The following MYO1B variants were observed in gnomAD, a reference collection of about 807,000 sequenced individuals.
MYO1B encodes unconventional myosin-Ib.
A neutral mutation model predicts 159.7 loss-of-function variants in MYO1B; 72 were observed. That is an observed-to-expected ratio of 0.45 (90% CI 0.37 to 0.55). The LOEUF (loss-of-function observed/expected upper bound fraction) is 0.55, where lower values mean the gene tolerates loss of function less well. Among genes scored for constraint, MYO1B ranks in the 20% least tolerant of loss-of-function variants. The pLI, the probability that MYO1B is intolerant of heterozygous loss-of-function variation, is 0.00. For missense variants in MYO1B, 1,062 were observed against 1,364.8 expected (o/e 0.78, Z 3.50); for synonymous variants, 468 against 473.8 (o/e 0.99, Z 0.16).
intron 7 of MYO1B, among the ~76,000 whole-genome samples, chr2:191,351,717 G>A (rs543411487): frequency 3.1e-4 from 47 of 152,176 alleles, no homozygotes; most frequent in African/African-American, 1.1e-3. Flanking sequence ...GAAACCCCCC[G>A]TCTCTACCAA....
At chr2:191,397,509 A>G (rs2126121062) in intron 21 of MYO1B, among the ~76,000 whole-genome samples, 1 of 152,154 alleles carries the variant, frequency 6.6e-6, no homozygotes, top group Admixed American at 6.5e-5. Flanking sequence ...AGGGTTAGGG[A>G]TAAGGTCACA....
intron 14 of MYO1B, among the ~76,000 whole-genome samples, chr2:191,381,965 G>T (rs377398451): frequency 1.2e-4 from 18 of 152,210 alleles, no homozygotes; most frequent in Non-Finnish European, 2.5e-4. Flanking sequence ...AGTAAAAATA[G>T]GTAACAGTTA....
chr2:191,349,074 G>A (rs915356477), intron 6 of MYO1B, among the ~76,000 whole-genome samples: 2 of 152,170 alleles, frequency 1.3e-5, no homozygotes, highest in South Asian at 4.1e-4. Flanking sequence ...AGGACCCACT[G>A]TAGGACATAT....
Position 191,392,165 on chromosome 2 carries a change from T to C in MYO1B, c.2040T>C (p.Phe680=). The change falls in exon 19 of 31, where the codon TTT becomes TTC. Residue 680 remains phenylalanine, a synonymous_variant. Coordinates refer to ENST00000392318, the MANE Select transcript of MYO1B (RefSeq NM_001130158.3). ...AAATTCCCGTGGAAGAATACTCCTT[T>C]GGTAGATCAAAGATATTCATCCGAA... ...ELEIPVEEYS[F]GRSKIFIRNP... 1 of 1,609,134 alleles carries C rather than the reference T, an allele frequency of 6.2e-7. No homozygotes were observed. Among genetic ancestry groups the C allele is most frequent in the Non-Finnish European group, 8.5e-7 (1 of 1,176,338 alleles).
Position 191,409,031 on chromosome 2 carries a change from C to G in MYO1B, c.2632-13C>G. 1 of 1,595,752 alleles carries G rather than the reference C, an allele frequency of 6.3e-7. No individual in the cohort carries two copies. The highest frequency in any genetic ancestry group is 8.5e-7 in the Non-Finnish European group (1 of 1,174,162). On this transcript the variant is annotated splice_polypyrimidine_tract_variant and intron_variant, in intron 25 of 30. Coordinates refer to ENST00000392318, the MANE Select transcript of MYO1B (RefSeq NM_001130158.3). ...ATTTTCCTCATGTAGTATTTTCTGT[C>G]AACCCAACACAGGTGCAAAAATACT...
intron 4 of MYO1B, among the ~76,000 whole-genome samples, chr2:191,337,708 C>T (rs1186167906): frequency 6.6e-6 from 1 of 151,944 alleles, no homozygotes; most frequent in African/African-American, 2.4e-5. Context: ...AAGTGATGAA[C>T]CAAGAATTGA....
chr2:191,351,613 G>A (rs1322196562), intron 7 of MYO1B, among the ~76,000 whole-genome samples: 9 of 152,152 alleles, frequency 5.9e-5, no homozygotes, highest in Non-Finnish European at 1.5e-5. Context: ...CTGGCTGGGC[G>A]CAATGGCTCA....
chr2:191,348,006 A>C (rs1692676083), intron 6 of MYO1B, among the ~76,000 whole-genome samples: 1 of 152,170 alleles, frequency 6.6e-6, no homozygotes, highest in African/African-American at 2.4e-5. Context: ...ATTCCCATGG[A>C]GATGCCTCAC....
At chr2:191,384,939 A>G (rs1447312769) in intron 15 of MYO1B, among the ~76,000 whole-genome samples, 2 of 152,184 alleles carry the variant, frequency 1.3e-5, no homozygotes, top group Non-Finnish European at 2.9e-5. Context: ...TTGATTCCTG[A>G]GAGTCCACGC....
intron 29 of MYO1B, among the ~76,000 whole-genome samples, chr2:191,415,374 C>T (rs1033523453): frequency 1.3e-5 from 2 of 152,138 alleles, no homozygotes; most frequent in Admixed American, 1.3e-4. Flanking sequence ...TCTGGCCAAC[C>T]CTAAACTTAG....
At chr2:191,317,298 C>T (rs1422957230) in intron 3 of MYO1B, among the ~76,000 whole-genome samples, 2 of 152,104 alleles carry the variant, frequency 1.3e-5, no homozygotes, top group Non-Finnish European at 2.9e-5. Flanking sequence ...AGAGAACTGA[C>T]CAACAGTTTT....
intron 30 of MYO1B, 88 bp downstream of exon 30, chr2:191,416,330 A>C: frequency 6.8e-7 from 1 of 1,466,530 alleles, no homozygotes; most frequent in Non-Finnish European, 9.5e-7. Flanking sequence ...TAATACAACT[A>C]CTTATTAAGT....
At chr2:191,413,931 G>T in intron 27 of MYO1B, 117 bp from the exon 28 acceptor site, 1 of 1,037,598 alleles carries the variant, frequency 9.6e-7, no homozygotes, top group Non-Finnish European at 1.4e-6. Context: ...AAAATAAATT[G>T]AAATCAATTT....
In MYO1B at chr2:191,424,062, CT is replaced by C; in HGVS notation, c.*106del. 7.6e-7 allele frequency: 1 copy of C among 1,318,620 alleles called. No individual in the cohort carries two copies. The highest frequency in any genetic ancestry group is 1.0e-6 in the Non-Finnish European group (1 of 964,976). 81.7% of individuals were successfully genotyped at this position (1,318,620 alleles called of 1,614,324 possible). On this transcript the variant is annotated 3_prime_UTR_variant, in exon 31 of 31. Coordinates refer to ENST00000392318, the MANE Select transcript of MYO1B (RefSeq NM_001130158.3). ...TTGTATGTTTGGGAATCACCAAAGG[CT>C]TTTAGAGTTCTTTGGCAAAATAAAA...
chr2:191,307,505 A>C (rs1689721324), intron 3 of MYO1B, among the ~76,000 whole-genome samples: 1 of 152,104 alleles, frequency 6.6e-6, no homozygotes. Flanking sequence ...AGAATGCCTA[A>C]CCTTCTAGGA....
intron 1 of MYO1B, among the ~76,000 whole-genome samples, chr2:191,269,256 C>G (rs13427761): frequency 0.42 from 63,918 of 152,000 alleles, 13,527 homozygotes; most frequent in Middle Eastern, 0.54. Flanking sequence ...TCGTATATTT[C>G]TACTCTTGGG....
At chr2:191,278,088 CTT>C (rs1317126641) in intron 2 of MYO1B, among the ~76,000 whole-genome samples, 1 of 152,208 alleles carries the variant, frequency 6.6e-6, no homozygotes, top group Non-Finnish European at 1.5e-5. Flanking sequence ...AGCCAACTCT[CTT>C]TATCTGTTGG....
At chr2:191,318,965 C>A (rs530019527) in intron 3 of MYO1B, among the ~76,000 whole-genome samples, 2 of 152,150 alleles carry the variant, frequency 1.3e-5, no homozygotes, top group African/African-American at 4.8e-5. Context: ...CAGGCTCTGA[C>A]TGGATTGGTG....
intron 1 of MYO1B, among the ~76,000 whole-genome samples, chr2:191,270,549 A>C (rs1418176981): frequency 6.6e-6 from 1 of 152,172 alleles, no homozygotes; most frequent in Non-Finnish European, 1.5e-5. Flanking sequence ...AACTGAATTG[A>C]ATGGAAATTT....
Sources: gnomAD v4.1 joint callset for allele counts (sites outside exome capture counted in the v4.1 genomes callset) on GRCh38, gnomAD v4.1.1 for gene constraint, MANE v1.5 for transcripts, NCBI Gene and HGNC (gene_info 2026-07-23, HGNC 2026-07-21) for gene names.